The following MALRD1 variants were observed in gnomAD, a reference collection of about 807,000 sequenced individuals.
MALRD1 encodes the protein MAM and LDL-receptor class A domain-containing protein 1.
A neutral mutation model predicts 242.1 loss-of-function variants in MALRD1; 247 were observed. That is an observed-to-expected ratio of 1.02 (90% CI 0.92 to 1.13). The LOEUF is 1.13. Among genes scored for constraint, MALRD1 ranks in the 50% most tolerant of loss-of-function variants. The pLI is 0.00. For synonymous variants in MALRD1, 995 were observed against 866.6 expected (o/e 1.15, Z -2.60); for missense variants, 2,989 against 2,533.1 (o/e 1.18, Z -3.86).
chr10:19,533,822 A>T (rs9703871), intron 32 of MALRD1, among the ~76,000 whole-genome samples: 1 of 152,142 alleles, frequency 6.6e-6, no homozygotes, highest in African/African-American at 2.4e-5. Context: ...GACGGGGTCA[A>T]ATATCCAAAC....
chr10:19,244,296 G>A (rs1163812927), intron 18 of MALRD1, among the ~76,000 whole-genome samples: 5 of 152,074 alleles, frequency 3.3e-5, no homozygotes, highest in Admixed American at 1.3e-4. Context: ...TTAGTTGCTG[G>A]GCGTAGTGGC....
At chr10:19,442,802 A>C (rs1484296658) in intron 28 of MALRD1, among the ~76,000 whole-genome samples, 1 of 152,132 alleles carries the variant, frequency 6.6e-6, no homozygotes, top group East Asian at 1.9e-4. Flanking sequence ...TGTCTCTGCC[A>C]GGCTTTGGTA....
intron 2 of MALRD1, among the ~76,000 whole-genome samples, chr10:19,070,926 A>C (rs1590386800): frequency 7.4e-6 from 1 of 134,726 alleles, no homozygotes; most frequent in Non-Finnish European, 1.5e-5. Flanking sequence ...ATCTCAGCTC[A>C]CTACAGCCTC....
At chr10:19,135,456 TC>T (rs1258269815) in intron 9 of MALRD1, among the ~76,000 whole-genome samples, 2 of 152,108 alleles carry the variant, frequency 1.3e-5, no homozygotes, top group African/African-American at 4.8e-5. Context: ...ACCTGACCTA[TC>T]CCTCATGTTT....
intron 26 of MALRD1, among the ~76,000 whole-genome samples, chr10:19,384,285 A>C (rs533389863): frequency 7.3e-6 from 1 of 136,300 alleles, no homozygotes; most frequent in East Asian, 2.0e-4. Flanking sequence ...TCTTATATAT[A>C]ATATATGTAT....
chr10:19,188,081 G>A, intron 14 of MALRD1, among the ~76,000 whole-genome samples: 1 of 152,132 alleles, frequency 6.6e-6, no homozygotes, highest in East Asian at 1.9e-4. Context: ...AGGCCTTATG[G>A]GTGATTGTAA....
intron 19 of MALRD1, among the ~76,000 whole-genome samples, chr10:19,277,014 A>G (rs1038452288): frequency 2.0e-5 from 3 of 152,114 alleles, no homozygotes; most frequent in Middle Eastern, 3.4e-3. Context: ...CAACCTCCCC[A>G]ACTCAAGTGA....
Position 19,177,694 on chromosome 10 carries a change from CTG to C in MALRD1, c.1951+2370_1951+2371del, listed in dbSNP as rs571634029. 5.9e-4 allele frequency among the ~76,000 whole-genome samples: 90 copies of C among 152,064 alleles called. 1 individual carries two copies. Among genetic ancestry groups the C allele is most frequent in the Admixed American group, 1.5e-3 (23 of 15,266 alleles). On this transcript the variant is annotated intron_variant, in intron 14 of 39. Coordinates refer to ENST00000454679, the MANE Select transcript of MALRD1 (RefSeq NM_001142308.3). ...TCAGCCCCTTTTCCTATTTAGAAAA[CTG>C]TGTATTTTTCTGCTTAGTTTTGGTG... is the stretch of plus-strand genomic sequence containing the variant.
intron 28 of MALRD1, among the ~76,000 whole-genome samples, chr10:19,445,103 A>T (rs537643397): frequency 1.3e-5 from 2 of 152,272 alleles, no homozygotes; most frequent in Admixed American, 1.3e-4. Flanking sequence ...TGAATCGGCT[A>T]CTGAAGCTTG....
At chr10:19,538,928 C>T (rs1834805813) in intron 32 of MALRD1, among the ~76,000 whole-genome samples, 1 of 152,128 alleles carries the variant, frequency 6.6e-6, no homozygotes, top group African/African-American at 2.4e-5. Flanking sequence ...AGATTTGAGG[C>T]ATTCTTAGGC....
In MALRD1 at chr10:19,607,818, TC is replaced by T; in HGVS notation, c.5988del (p.Asn1997ThrfsTer31). The T allele has an allele frequency of 3.2e-6, 5 of 1,549,818 alleles. No homozygotes were observed. Among genetic ancestry groups the T allele is most frequent in the Non-Finnish European group, 4.4e-6 (5 of 1,146,498 alleles). On this transcript the variant is annotated frameshift_variant, in exon 35 of 40. Transcript: ENST00000454679. LOFTEE classifies it high-confidence loss of function. ...TAATGGAGCTCTGGTGTGTGCCTCC[TC>T]CAACAGCTGTATCCCAGCCCACCAG... Reference protein sequence around the residue: ...CSNGALVCASSNSCIPAHQRC... With the variant: ...CSNGALVCASXNSCIPAHQRC...
chr10:19,240,385 AGTCTTTAG>A (rs1249578211), intron 18 of MALRD1, among the ~76,000 whole-genome samples: 2 of 152,000 alleles, frequency 1.3e-5, no homozygotes, highest in African/African-American at 4.8e-5. Context: ...TTTTTGGTCA[AGTCTTTAG>A]GGTTCTCACT....
chr10:19,494,268 A>G (rs1262944670), intron 30 of MALRD1, among the ~76,000 whole-genome samples: 1 of 147,906 alleles, frequency 6.8e-6, no homozygotes, highest in Non-Finnish European at 1.5e-5. Flanking sequence ...CATGCAGAAA[A>G]TAATTCTAAT....
At chr10:19,583,692 G>T (rs1289261343) in intron 33 of MALRD1, among the ~76,000 whole-genome samples, 6 of 151,642 alleles carry the variant, frequency 4.0e-5, no homozygotes, top group African/African-American at 1.2e-4. Context: ...TCTCTTTTTT[G>T]GTTGTGTCTC....
intron 38 of MALRD1, among the ~76,000 whole-genome samples, chr10:19,704,147 G>A (rs1191581080): frequency 1.3e-5 from 2 of 152,032 alleles, no homozygotes; most frequent in African/African-American, 2.4e-5. Context: ...TAGCTATGCT[G>A]AGAAATAACA....
intron 4 of MALRD1, among the ~76,000 whole-genome samples, chr10:19,102,335 T>G (rs2131331817): frequency 6.6e-6 from 1 of 152,092 alleles, no homozygotes; most frequent in African/African-American, 2.4e-5. Context: ...TTCTATTTTC[T>G]AAGTAGTTAC....
chr10:19,351,971 C>T (rs746991866), intron 25 of MALRD1, 35 bp from the exon 26 acceptor site: 1 of 1,443,242 alleles, frequency 6.9e-7, no homozygotes, highest in South Asian at 1.3e-5. Flanking sequence ...TTATACTAAT[C>T]ATATCGTATG....
At chr10:19,423,846 C>T (rs573958288) in intron 28 of MALRD1, among the ~76,000 whole-genome samples, 67 of 152,232 alleles carry the variant, frequency 4.4e-4, no homozygotes, top group Non-Finnish European at 7.6e-4. Context: ...AATCTGCATA[C>T]GGGCGGCCAT....
At chr10:19,667,650 T>A (rs1841732008) in intron 36 of MALRD1, among the ~76,000 whole-genome samples, 1 of 152,076 alleles carries the variant, frequency 6.6e-6, no homozygotes, top group Admixed American at 6.6e-5. Flanking sequence ...GCTTTCACCA[T>A]GTAATGTGCG....
Sources: gnomAD v4.1 joint callset for allele counts (sites outside exome capture counted in the v4.1 genomes callset) on GRCh38, gnomAD v4.1.1 for gene constraint, MANE v1.5 for transcripts, NCBI Gene and HGNC (gene_info 2026-07-23, HGNC 2026-07-21) for gene names.